GPR137C: variants seen among roughly 807,000 people sequenced by gnomAD.
GPR137C encodes the protein G protein-coupled receptor 137C.
A neutral mutation model predicts 43.4 loss-of-function variants in GPR137C; 27 were observed. The observed-to-expected ratio is 0.62, with a 90% CI of 0.46 to 0.86. The LOEUF (loss-of-function observed/expected upper bound fraction) is 0.86. Ranked by LOEUF, GPR137C falls within the 40% of genes least tolerant of loss-of-function variation. The pLI is 0.00. For synonymous variants in GPR137C, 285 were observed against 226.9 expected (o/e 1.26, Z -2.30); for missense variants, 522 against 534.6 (o/e 0.98, Z 0.23).
Position 52,580,868 on chromosome 14 carries a change from T to G in GPR137C, c.445-17404T>G, listed in dbSNP as rs558653014. ...TATTAAATATATAAATATATATTTC[T>G]TAGTAGATAAAATATATACATATAT... is the stretch of plus-strand genomic sequence containing the variant. On this transcript the variant is annotated intron_variant, in intron 1 of 6. Coordinates refer to ENST00000321662, the MANE Select transcript of GPR137C (RefSeq NM_001099652.2). 8.1e-5 allele frequency among the ~76,000 whole-genome samples: 12 copies of G among 147,792 alleles called. 1 individual carries two copies. In the East Asian group the frequency reaches 2.3e-3, roughly 29 times the overall value.
intron 3 of GPR137C, among the ~76,000 whole-genome samples, chr14:52,614,983 T>G (rs1223045293): frequency 6.6e-6 from 1 of 152,134 alleles, no homozygotes; most frequent in East Asian, 1.9e-4. Flanking sequence ...ATCCATCCAT[T>G]TTTGCTTTGG....
In GPR137C at chr14:52,553,309, C is replaced by T; in HGVS notation, c.162C>T (p.Ala54=). 6.4e-7 allele frequency: 1 copy of T among 1,570,410 alleles called. No individual in the cohort carries two copies. The highest frequency in any genetic ancestry group is 8.6e-7 in the Non-Finnish European group (1 of 1,164,466). ...AGTTGGCGCTGAGCGTCCTGCACGC[C>T]CTGCTCTACGCCGCGCTGTTCGCCT... ...SVQLALSVLH[A]LLYAALFAFA... is the part of the protein sequence containing the mutation. The change falls in exon 1 of 7, where the codon GCC becomes GCT. Residue 54 remains alanine (A), a synonymous_variant. Transcript: ENST00000321662.
intron 3 of GPR137C, among the ~76,000 whole-genome samples, chr14:52,629,085 A>T (rs1206947595): frequency 2.0e-5 from 3 of 152,240 alleles, no homozygotes; most frequent in Non-Finnish European, 4.4e-5. Context: ...CACATCTTCC[A>T]GCATGGCTAA....
At chr14:52,554,457 G>C (rs563621489) in intron 1 of GPR137C, among the ~76,000 whole-genome samples, 2 of 152,194 alleles carry the variant, frequency 1.3e-5, no homozygotes, top group Middle Eastern at 3.4e-3. Context: ...TTAGGTATTT[G>C]ACCCATTTCA....
chr14:52,604,343 G>C (rs1451254782), intron 3 of GPR137C, among the ~76,000 whole-genome samples: 1 of 152,086 alleles, frequency 6.6e-6, no homozygotes. Context: ...CCCAGATGAA[G>C]GTCCTGGAGC....
chr14:52,580,831 T>C lies in GPR137C; in HGVS notation c.445-17441T>C, dbSNP rs201177235. 7.5e-5 allele frequency among the ~76,000 whole-genome samples: 11 copies of C among 147,628 alleles called. No individual in the cohort carries two copies. In the East Asian group the frequency reaches 1.2e-3, roughly 16 times the overall value. Reference sequence around the variant, plus strand: ...TATTATTTATATTTATATAATAATATTTATATGTATATATTAAATATATAA... The same window carrying C: ...TATTATTTATATTTATATAATAATACTTATATGTATATATTAAATATATAA... On this transcript the variant is annotated intron_variant, in intron 1 of 6. Coordinates refer to ENST00000321662, the MANE Select transcript of GPR137C (RefSeq NM_001099652.2).
In GPR137C at chr14:52,580,874, G is replaced by A. The variant is rs181938082; in HGVS notation, c.445-17398G>A. Among the ~76,000 whole-genome samples the A allele has an allele frequency of 2.9e-3, 431 of 146,506 alleles. 1 individual carries two copies. Among genetic ancestry groups the A allele is most frequent in the African/African-American group, 0.01 (406 of 40,258 alleles). ...ATATATAAATATATATTTCTTAGTA[G>A]ATAAAATATATACATATATATTTTT... is the stretch of plus-strand genomic sequence containing the variant. On this transcript the variant is annotated intron_variant, in intron 1 of 6. Coordinates refer to ENST00000321662, the MANE Select transcript of GPR137C (RefSeq NM_001099652.2).
intron 1 of GPR137C, among the ~76,000 whole-genome samples, chr14:52,580,207 A>G (rs781079538): frequency 6.6e-6 from 1 of 152,196 alleles, no homozygotes; most frequent in Admixed American, 6.5e-5. Context: ...GTTTTAGTAG[A>G]ATTTCAAGTT....
intron 1 of GPR137C, among the ~76,000 whole-genome samples, chr14:52,594,641 C>T (rs757316673): frequency 3.3e-5 from 5 of 152,020 alleles, no homozygotes; most frequent in Non-Finnish European, 7.4e-5. Flanking sequence ...GATTGCAACC[C>T]CTGCTTTTTT....
chr14:52,556,183 A>G (rs1484260007), intron 1 of GPR137C, among the ~76,000 whole-genome samples: 1 of 152,164 alleles, frequency 6.6e-6, no homozygotes, highest in African/African-American at 2.4e-5. Flanking sequence ...TGTATGCCGT[A>G]TTAAATACCA....
intron 1 of GPR137C, among the ~76,000 whole-genome samples, chr14:52,580,951 CA>C (rs2038636749): frequency 6.6e-6 from 1 of 150,394 alleles, no homozygotes; most frequent in African/African-American, 2.4e-5. Context: ...GTAATCCCAG[CA>C]CTTTGGGAGG....
chr14:52,625,532 C>CTTTTTTTTT lies in GPR137C; in HGVS notation c.718-6596_718-6588dup, dbSNP rs770278309. Reference sequence around the variant, plus strand: ...GAAAATAGAGGAGGGAAGAACACATCTTTTTTTTTTTTTTTTTTTTTTTTT... The same window carrying CTTTTTTTTT: ...GAAAATAGAGGAGGGAAGAACACATCTTTTTTTTTTTTTTTTTTTTTTTTTTTTTTTTTT... On this transcript the variant is annotated intron_variant, in intron 3 of 6. Transcript: ENST00000321662. Among the ~76,000 whole-genome samples, 3 of 36,082 alleles carry CTTTTTTTTT rather than the reference C, an allele frequency of 8.3e-5. 1 individual carries two copies. Among genetic ancestry groups the CTTTTTTTTT allele is most frequent in the Non-Finnish European group, 1.5e-4 (3 of 19,936 alleles). The allele number at this position is 36,082 out of a possible 152,430, so 23.7% of individuals were successfully genotyped here. A position where few individuals can be genotyped will look rare whatever the true frequency, so the allele number is the denominator to read the frequency against.
chr14:52,567,117 A>C (rs528968988), intron 1 of GPR137C, among the ~76,000 whole-genome samples: 1 of 152,074 alleles, frequency 6.6e-6, no homozygotes, highest in East Asian at 1.9e-4. Context: ...CGTCTGAAAA[A>C]AAAGAAAAGA....
chr14:52,624,308 T>C (rs567602699), intron 3 of GPR137C, among the ~76,000 whole-genome samples: 1 of 151,418 alleles, frequency 6.6e-6, no homozygotes, highest in East Asian at 1.9e-4. Context: ...TGGAATGCAG[T>C]AAAAATTGTA....
At chr14:52,601,541 GAA>G (rs2038925863) in intron 3 of GPR137C, among the ~76,000 whole-genome samples, 2 of 151,420 alleles carry the variant, frequency 1.3e-5, no homozygotes, top group African/African-American at 4.8e-5. Context: ...AAGAGACAAA[GAA>G]AATCAGACTT....
chr14:52,568,331 T>A (rs2038405242), intron 1 of GPR137C, among the ~76,000 whole-genome samples: 1 of 152,034 alleles, frequency 6.6e-6, no homozygotes, highest in South Asian at 2.1e-4. Context: ...TTCCCTTGGG[T>A]GCCAACACCA....
At position 52,609,250 on chromosome 14, in the gene GPR137C, T is replaced by C. The variant is rs530043560; in HGVS notation, c.717+8909T>C. ...AGTGTATTTTCAGCTCCTGAGTTTCTGTTTGATTGTTTTTATTATTTCAAT... is the reference window on the plus strand; with the variant it reads ...AGTGTATTTTCAGCTCCTGAGTTTCCGTTTGATTGTTTTTATTATTTCAAT... On this transcript the variant is annotated intron_variant, in intron 3 of 6. Transcript: ENST00000321662. Among the ~76,000 whole-genome samples the C allele has an allele frequency of 1.8e-4, 28 of 152,342 alleles. No individual in the cohort carries two copies. The South Asian group carries it at 5.6e-3, about 30-fold the overall frequency.
rs1026907763 is a variant in GPR137C, at chr14:52,636,777, T to C, written c.*1662T>C. On this transcript the variant is annotated 3_prime_UTR_variant, in exon 7 of 7. Transcript: ENST00000321662. The stretch of plus-strand genomic sequence containing the variant: ...GCATATACTTATGTTATTTTGGGTT[T>C]GTTTATAATTCTCTCATTGTAACCA... The C allele has an allele frequency of 1.3e-5, 2 of 152,174 alleles. No homozygotes were observed. Among genetic ancestry groups the C allele is most frequent in the African/African-American group, 4.8e-5 (2 of 41,466 alleles). 9.4% of individuals were successfully genotyped at this position (152,174 alleles called of 1,614,324 possible). A position where few individuals can be genotyped will look rare whatever the true frequency, so the allele number is the denominator to read the frequency against.
chr14:52,577,342 G>A (rs1378277377), intron 1 of GPR137C, among the ~76,000 whole-genome samples: 2 of 151,918 alleles, frequency 1.3e-5, no homozygotes. Flanking sequence ...GCAAAAGCAG[G>A]CTGAAAGGGA....
Sources: gnomAD v4.1 joint callset for allele counts (sites outside exome capture counted in the v4.1 genomes callset) on GRCh38, gnomAD v4.1.1 for gene constraint, MANE v1.5 for transcripts, NCBI Gene and HGNC (gene_info 2026-07-23, HGNC 2026-07-21) for gene names.